Variants in MSH6 observed in about 807,000 individuals in gnomAD.
The protein encoded by MSH6 is DNA mismatch repair protein Msh6.
In MSH6, 85 loss-of-function variants were observed where a neutral mutation model predicts 119.1. The observed-to-expected ratio is 0.71, with a 90% CI of 0.60 to 0.85. MSH6 has a LOEUF of 0.85. Among genes scored for constraint, MSH6 ranks in the 40% least tolerant of loss-of-function variants. MSH6 has a pLI of 0.00. For synonymous variants in MSH6, 830 were observed against 586.9 expected, an observed-to-expected ratio of 1.41 and a Z score of -5.99; for missense variants, 2,163 against 1,655.3, an observed-to-expected ratio of 1.31 and a Z score of -5.32.
chr2:47,794,800 T>G (rs1040335601), intron 2 of MSH6, among the ~76,000 whole-genome samples: 5 of 151,348 alleles, frequency 3.3e-5, no homozygotes, highest in African/African-American at 1.2e-4. Flanking sequence ...CCTGAAGTGT[T>G]TGTTTGTTTT....
chr2:47,799,753 C>A lies in MSH6; in HGVS notation c.1770C>A (p.Pro590=). 6.2e-7 allele frequency: 1 copy of A among 1,614,176 alleles called. No homozygotes were observed. The highest frequency in any genetic ancestry group is 8.5e-7 in the Non-Finnish European group (1 of 1,180,026). The change falls in exon 4 of 10, where the codon CCC becomes CCA. Residue 590 remains proline, a synonymous_variant. Coordinates refer to ENST00000234420, the MANE Select transcript of MSH6 (RefSeq NM_000179.3). ...TTAGGACTCTAGTGGCACACTATCCCCCAGTACAAGTTTTATTTGAAAAAG... is the reference window on the plus strand; with the variant it reads ...TTAGGACTCTAGTGGCACACTATCCACCAGTACAAGTTTTATTTGAAAAAG... ...SRFRTLVAHY[P]PVQVLFEKGN...
At position 47,806,193 on chromosome 2, in the gene MSH6, T is replaced by G. The variant is rs750579775; in HGVS notation, c.3647-11T>G. 2.5e-6 allele frequency: 4 copies of G among 1,613,382 alleles called. No homozygotes were observed. Among genetic ancestry groups the G allele is most frequent in the Non-Finnish European group, 3.4e-6 (4 of 1,179,466 alleles). ...TTGAGTTACTTCCTTATGCATATTTTACTTTAACAGGAAGAGGTACTGCAA... is the reference window on the plus strand; with the variant it reads ...TTGAGTTACTTCCTTATGCATATTTGACTTTAACAGGAAGAGGTACTGCAA... On this transcript the variant is annotated splice_polypyrimidine_tract_variant and intron_variant, in intron 7 of 9. Coordinates refer to ENST00000234420, the MANE Select transcript of MSH6 (RefSeq NM_000179.3).
chr2:47,805,173 GTCTCTCTC>G (rs530262234), intron 6 of MSH6, 146 bp downstream of exon 6: 6 of 637,574 alleles, frequency 9.4e-6, no homozygotes, highest in African/African-American at 7.4e-5. Context: ...GAACTGCATA[GTCTCTCTC>G]TCTTTTTTTT....
intron 1 of MSH6, among the ~76,000 whole-genome samples, chr2:47,789,750 A>T (rs990455922): frequency 6.6e-6 from 1 of 152,216 alleles, no homozygotes; most frequent in Non-Finnish European, 1.5e-5. Context: ...CTTTATCTCT[A>T]GATTACGTAC....
In MSH6 at chr2:47,795,422, A is replaced by ATGTGTGTG. The variant is rs10699372; in HGVS notation, c.458-452_458-445dup. Among the ~76,000 whole-genome samples the ATGTGTGTG allele has an allele frequency of 1.9e-3, 266 of 141,722 alleles. 2 individuals carry two copies. In the South Asian group the frequency reaches 0.02, roughly 11 times the overall value. 93.0% of individuals were successfully genotyped at this position (141,722 alleles called of 152,430 possible). On this transcript the variant is annotated intron_variant, in intron 2 of 9. Coordinates refer to ENST00000234420, the MANE Select transcript of MSH6 (RefSeq NM_000179.3). ...AAGTGTCCAGCCAACAAGTTATTTTATGTGTGTGTGTGTGTGTGTGTGTGT... is the reference window on the plus strand; with the variant it reads ...AAGTGTCCAGCCAACAAGTTATTTTATGTGTGTGTGTGTGTGTGTGTGTGTGTGTGTGT...
intron 4 of MSH6, among the ~76,000 whole-genome samples, chr2:47,802,068 C>G (rs1275434143): frequency 6.6e-6 from 1 of 152,224 alleles, no homozygotes; most frequent in Non-Finnish European, 1.5e-5. Context: ...CTTTGTTACA[C>G]TATCTGTTGA....
chr2:47,794,202 A>G (rs1462368853), intron 2 of MSH6, among the ~76,000 whole-genome samples: 1 of 151,810 alleles, frequency 6.6e-6, no homozygotes, highest in Non-Finnish European at 1.5e-5. Flanking sequence ...TTAGCCAGGC[A>G]TGGTGACACA....
chr2:47,810,076 T>C (rs373311071), downstream of MSH6: 5 of 503,324 alleles, frequency 9.9e-6, no homozygotes, highest in East Asian at 6.5e-5. Flanking sequence ...ATTTATTCTA[T>C]CCCAATAAAT....
At chr2:47,784,943 G>C (rs1668259430) in intron 1 of MSH6, 1 of 151,944 alleles carries the variant, frequency 6.6e-6, no homozygotes, top group Non-Finnish European at 1.5e-5. Context: ...TCCTGCCTCA[G>C]CCTCCCAAGT....
intron 1 of MSH6, among the ~76,000 whole-genome samples, chr2:47,788,927 T>TTTTGTTTTTTTTGTTTTTTTTG (rs1668547973): frequency 2.4e-5 from 2 of 82,112 alleles, no homozygotes; most frequent in African/African-American, 1.2e-4. Flanking sequence ...TTTTTGTTTT[T>TTTTGTTTTTTTTGTTTTTTTTG]TTTTTTTTTT....
intron 1 of MSH6, among the ~76,000 whole-genome samples, chr2:47,788,379 C>T (rs1371907823): frequency 6.7e-6 from 1 of 149,996 alleles, no homozygotes; most frequent in Non-Finnish European, 1.5e-5. Context: ...TTCAGCCTCC[C>T]GAGTAGCTGG....
rs1412820949 is a variant in MSH6 at position 47,783,900 on chromosome 2, G to GGGCGGGGGGCGGGGT, written c.260+414_260+428dup. The GGGCGGGGGGCGGGGT allele has an allele frequency of 1.7e-5, 17 of 1,005,412 alleles. No individual in the cohort carries two copies. The South Asian group carries it at 6.1e-4, about 36-fold the overall frequency. 62.3% of individuals were successfully genotyped at this position (1,005,412 alleles called of 1,614,324 possible). ...AGGCGCCCGGCCCACTTGGTGGGCG[G>GGGCGGGGGGCGGGGT]GGCGGGGGGCGGGGTGGCGGGAAGG... On this transcript the variant is annotated intron_variant, in intron 1 of 9. Transcript: ENST00000234420.
chr2:47,784,253 C>T (rs1668209169), intron 1 of MSH6: 1 of 996,710 alleles, frequency 1.0e-6, no homozygotes, highest in Non-Finnish European at 1.2e-6. Context: ...GTAGGCTGCA[C>T]GTGCACCGAG....
At chr2:47,783,538 G>A in intron 1 of MSH6, 45 bp downstream of exon 1, 1 of 1,406,584 alleles carries the variant, frequency 7.1e-7, no homozygotes, top group Non-Finnish European at 9.3e-7. Context: ...ATAGCGGCGG[G>A]GCGCTTGGAA....
intron 4 of MSH6, chr2:47,801,360 A>ATTTTTTTTTTTTTTTTTTTTTT: frequency 1.7e-5 from 1 of 58,168 alleles, no homozygotes; most frequent in Non-Finnish European, 3.0e-5. Flanking sequence ...GCCTTTCTTC[A>ATTTTTTTTTTTTTTTTTTTTTT]GTTTTTTTTT....
chr2:47,806,129 T>G (rs1179609489), intron 7 of MSH6, 75 bp from the exon 8 acceptor site: 5 of 1,432,342 alleles, frequency 3.5e-6, no homozygotes, highest in Non-Finnish European at 4.9e-6. Flanking sequence ...TTTTCTGTCC[T>G]AGCATTTTTG....
At chr2:47,788,917 T>TTTTGTTTTTTTGTTTTGTTTTG (rs1558650202) in intron 1 of MSH6, among the ~76,000 whole-genome samples, 2 of 57,878 alleles carry the variant, frequency 3.5e-5, no homozygotes, top group African/African-American at 1.3e-4. Context: ...CTTTTTTTTT[T>TTTTGTTTTTTTGTTTTGTTTTG]TTTTGTTTTT....
intron 2 of MSH6, among the ~76,000 whole-genome samples, chr2:47,793,665 C>G (rs1024200843): frequency 1.3e-5 from 2 of 151,278 alleles, no homozygotes; most frequent in Non-Finnish European, 1.5e-5. Flanking sequence ...AAAAAGATCT[C>G]TCATTGAACC....
intron 7 of MSH6, among the ~76,000 whole-genome samples, chr2:47,805,994 T>G (rs1670007976): frequency 1.3e-5 from 2 of 152,186 alleles, no homozygotes; most frequent in African/African-American, 4.8e-5. Context: ...GTTTATGACC[T>G]TGAGCGATAC....
Sources: gnomAD v4.1 joint callset for allele counts (sites outside exome capture counted in the v4.1 genomes callset) on GRCh38, gnomAD v4.1.1 for gene constraint, MANE v1.5 for transcripts, NCBI Gene and HGNC (gene_info 2026-07-23, HGNC 2026-07-21) for gene names.